The following IFI44L variants were observed in gnomAD, a reference collection of about 807,000 sequenced individuals.
The protein encoded by IFI44L is interferon-induced protein 44-like.
In IFI44L, 40 loss-of-function variants were observed where a neutral mutation model predicts 39.3. That is an observed-to-expected ratio of 1.02 (90% confidence interval 0.79 to 1.33). IFI44L has a LOEUF of 1.33. Ranked by LOEUF, IFI44L falls within the 40% of genes most tolerant of loss-of-function variation. IFI44L has a pLI of 0.00. For synonymous variants in IFI44L, 198 were observed against 182.3 expected (o/e 1.09, Z -0.69); for missense variants, 623 against 549.0 (o/e 1.13, Z -1.35).
At chr1:78,630,469 G>T (rs1388210570) in intron 4 of IFI44L, among the ~76,000 whole-genome samples, 1 of 151,980 alleles carries the variant, frequency 6.6e-6, no homozygotes, top group Non-Finnish European at 1.5e-5. Flanking sequence ...CTTAATTGTT[G>T]CTCTAAAGAA....
At chr1:78,635,184 C>A (rs534834969) in intron 4 of IFI44L, among the ~76,000 whole-genome samples, 153 bp from the exon 5 acceptor site, 3 of 151,942 alleles carry the variant, frequency 2.0e-5, no homozygotes, top group African/African-American at 7.3e-5. Flanking sequence ...CTTTGGGATT[C>A]TCAATAACTT....
At chr1:78,637,568 C>A (rs1382937348) in intron 6 of IFI44L, among the ~76,000 whole-genome samples, 1 of 152,054 alleles carries the variant, frequency 6.6e-6, no homozygotes, top group Non-Finnish European at 1.5e-5. Context: ...ATGTACCCAT[C>A]ACTGCAACCA....
At position 78,629,919 on chromosome 1, in the gene IFI44L, A is replaced by T. The variant is rs1315017670; in HGVS notation, c.723+4A>T. 21 of 1,610,378 alleles carry T rather than the reference A, an allele frequency of 1.3e-5. No homozygotes were observed. In the East Asian group the frequency reaches 4.5e-4, roughly 34 times the overall value. On this transcript the variant is annotated splice_donor_region_variant and intron_variant, in intron 4 of 8. Coordinates refer to ENST00000370751, the MANE Select transcript of IFI44L (RefSeq NM_006820.4). The stretch of plus-strand genomic sequence containing the variant: ...TATCACCAGCATAACCGAGCGGGTA[A>T]GTTATTTCCCTGAGGATTTTATTTT...
In IFI44L at chr1:78,644,864, G is replaced by A. The variant is rs1309081237; in HGVS notation, c.*3055G>A. ...GAGCCTCTGTGGTGTGAATGGGCAC[G>A]TTAGGTTGTTGCATTAGAAAGTGAC... On this transcript the variant is annotated 3_prime_UTR_variant, in exon 9 of 9. Coordinates refer to ENST00000370751, the MANE Select transcript of IFI44L (RefSeq NM_006820.4). 1.3e-5 allele frequency: 2 copies of A among 152,170 alleles called. No homozygotes were observed. The highest frequency in any genetic ancestry group is 6.5e-5 in the Admixed American group (1 of 15,272). 9.4% of individuals were successfully genotyped at this position (152,170 alleles called of 1,614,324 possible).
At position 78,642,141 on chromosome 1, in the gene IFI44L, T is replaced by C. The variant is rs1646994506; in HGVS notation, c.*332T>C. On this transcript the variant is annotated 3_prime_UTR_variant, in exon 9 of 9. Transcript: ENST00000370751. ...CTATGTGAGTACTAATCACATTGAA[T>C]AATAGTTATAAAATTATTGTATAGA... 3.1e-6 allele frequency: 1 copy of C among 319,260 alleles called. No individual in the cohort carries two copies. The highest frequency in any genetic ancestry group is 5.8e-6 in the Non-Finnish European group (1 of 171,536). 19.8% of individuals were successfully genotyped at this position (319,260 alleles called of 1,614,324 possible). A position where few individuals can be genotyped will look rare whatever the true frequency, so the allele number is the denominator to read the frequency against.
chr1:78,641,200 C>T (rs140325985), intron 7 of IFI44L, 79 bp downstream of exon 7: 61 of 1,043,102 alleles, frequency 5.8e-5, no homozygotes, highest in Middle Eastern at 2.0e-4. Context: ...TGTGTCTGTA[C>T]GTGTATATGT....
At chr1:78,629,617 C>T in intron 3 of IFI44L, 103 bp from the exon 4 acceptor site, 7 of 660,426 alleles carry the variant, frequency 1.1e-5, no homozygotes, top group Admixed American at 5.9e-5. Flanking sequence ...GAAAAAATAC[C>T]CTTCTCAGGG....
chr1:78,623,396 G>GTTTT (rs71078508), intron 1 of IFI44L, among the ~76,000 whole-genome samples: 17 of 121,296 alleles, frequency 1.4e-4, no homozygotes, highest in African/African-American at 2.1e-4. Flanking sequence ...AGTGTTTTTT[G>GTTTT]TTTTTTTTTT....
At chr1:78,625,526 C>G (rs1357783849) in intron 1 of IFI44L, 1 of 151,836 alleles carries the variant, frequency 6.6e-6, no homozygotes, top group Non-Finnish European at 1.5e-5. Flanking sequence ...TCCCTTTTTT[C>G]CCTTTATCAG....
intron 1 of IFI44L, 147 bp downstream of exon 1, chr1:78,620,718 G>A (rs769089361): frequency 7.9e-5 from 12 of 152,064 alleles, no homozygotes; most frequent in Non-Finnish European, 1.5e-4. Context: ...TTTGTATTTG[G>A]AACATTCCAA....
chr1:78,629,621 C>G, intron 3 of IFI44L, 99 bp from the exon 4 acceptor site: 1 of 739,324 alleles, frequency 1.4e-6, no homozygotes, highest in Non-Finnish European at 2.1e-6. Flanking sequence ...AAATACCCTT[C>G]TCAGGGAAGA....
chr1:78,636,883 G>A (rs901191987), intron 5 of IFI44L, 149 bp from the exon 6 acceptor site: 4 of 586,678 alleles, frequency 6.8e-6, no homozygotes, highest in African/African-American at 5.9e-5. Flanking sequence ...TGGAAAGGAA[G>A]TAAAGAGGAG....
chr1:78,641,260 A>G (rs1646980014), intron 7 of IFI44L, 139 bp downstream of exon 7: 4 of 857,356 alleles, frequency 4.7e-6, no homozygotes, highest in Non-Finnish European at 5.5e-6. Context: ...CAATTGCTTG[A>G]TTAATTCAAA....
At position 78,628,933 on chromosome 1, in the gene IFI44L, T is replaced by C. The variant is rs995451757; in HGVS notation, c.479-18T>C. On this transcript the variant is annotated intron_variant, in intron 2 of 8. Transcript: ENST00000370751. ...AACAAGTTTTAAAAATGTATTATGC[T>C]ATGTTTATTTCCTATAGGAATTAAG... is the stretch of plus-strand genomic sequence containing the variant. The C allele has an allele frequency of 1.5e-5, 22 of 1,459,830 alleles. No homozygotes were observed. Among genetic ancestry groups the C allele is most frequent in the Middle Eastern group, 3.5e-4 (2 of 5,754 alleles). The allele number at this position is 1,459,830 out of a possible 1,614,324, so 90.4% of individuals were successfully genotyped here.
rs1652672203 is a variant in IFI44L, at chr1:78,629,769, G to A, written c.577G>A (p.Asp193Asn). The stretch of plus-strand genomic sequence containing the variant: ...CATCAGAGACTATAGGCCCTATGCA[G>A]ACTTGGTTTCAGAAATTCGTATTCT... The part of the protein sequence containing the change: ...ADIRDYRPYA[D>N]LVSEIRILLV... The change falls in exon 4 of 9, where the codon GAC becomes AAC. Residue 193 changes from aspartate to asparagine, a missense_variant. Coordinates refer to ENST00000370751, the MANE Select transcript of IFI44L (RefSeq NM_006820.4). 6.2e-7 allele frequency: 1 copy of A among 1,613,636 alleles called. No individual in the cohort carries two copies. The highest frequency in any genetic ancestry group is 1.1e-5 in the South Asian group (1 of 91,072).
In IFI44L at chr1:78,641,130, T is replaced by C. The variant is rs766111124; in HGVS notation, c.1149+9T>C. On this transcript the variant is annotated intron_variant, in intron 7 of 8. Transcript: ENST00000370751. ...TGACTTCTCAAAGCCGGGTAAAAAA[T>C]GCTGATCATAACCAGATATTATTGT... The C allele has an allele frequency of 3.2e-6, 5 of 1,561,810 alleles. No homozygotes were observed. In the South Asian group the frequency reaches 5.6e-5, roughly 17 times the overall value.
chr1:78,629,973 T>A, intron 4 of IFI44L, 58 bp downstream of exon 4: 1 of 1,459,120 alleles, frequency 6.9e-7, no homozygotes, highest in Non-Finnish European at 9.5e-7. Context: ...ATTGCTTATG[T>A]CTTTGCCTTT....
At chr1:78,628,705 G>T (rs761392691) in intron 2 of IFI44L, 19 of 521,812 alleles carry the variant, frequency 3.6e-5, no homozygotes, top group Non-Finnish European at 5.8e-5. Flanking sequence ...ATGACCCAAA[G>T]ATCAGACCCT....
At chr1:78,622,233 C>T (rs184929640) in intron 1 of IFI44L, among the ~76,000 whole-genome samples, 4 of 152,078 alleles carry the variant, frequency 2.6e-5, no homozygotes, top group Non-Finnish European at 4.4e-5. Flanking sequence ...TCTCCAGTTC[C>T]GTCCATGTTG....
Sources: allele counts gnomAD v4.1 joint callset (sites outside exome capture counted in the v4.1 genomes callset), GRCh38; gene constraint gnomAD v4.1.1; transcripts MANE v1.5; gene names NCBI Gene and HGNC (gene_info 2026-07-23, HGNC 2026-07-21).